Variants in ENTREP2 observed in about 807,000 individuals in gnomAD.
ENTREP2 encodes protein ENTREP2.
chr15:29,530,638 C>A, the ENTREP2 span, among the ~76,000 whole-genome samples: 4 of 152,232 alleles, frequency 2.6e-5, no homozygotes, highest in African/African-American at 9.6e-5. Flanking sequence ...GCCGTCATGT[C>A]TGTGGTGATG....
chr15:29,567,737 G>A, the ENTREP2 span, among the ~76,000 whole-genome samples: 3 of 152,334 alleles, frequency 2.0e-5, no homozygotes, highest in East Asian at 5.8e-4. Flanking sequence ...CAATAAGTAA[G>A]TGCTCACTAA....
At chr15:29,452,239 C>G in the ENTREP2 span, among the ~76,000 whole-genome samples, 5 of 152,188 alleles carry the variant, frequency 3.3e-5, no homozygotes, top group African/African-American at 1.2e-4. Context: ...GCACCTGGTG[C>G]TGACAGCCCC....
the ENTREP2 span, among the ~76,000 whole-genome samples, chr15:29,635,380 G>A: frequency 1.3e-5 from 2 of 152,134 alleles, no homozygotes; most frequent in East Asian, 1.9e-4. Flanking sequence ...GCCAGGAAAC[G>A]GGGTTCACAA....
At chr15:29,476,606 C>T in the ENTREP2 span, among the ~76,000 whole-genome samples, 2,008 of 152,300 alleles carry the variant, frequency 0.013, 54 homozygotes, top group African/African-American at 0.046. Flanking sequence ...CCACCTCTGC[C>T]CCTGACCACC....
At chr15:29,334,476 T>A in the ENTREP2 span, among the ~76,000 whole-genome samples, 1 of 152,216 alleles carries the variant, frequency 6.6e-6, no homozygotes, top group Non-Finnish European at 1.5e-5. Context: ...GAAAGGCATG[T>A]TTTCATAGTT....
chr15:29,369,592 AACACACAC>A, the ENTREP2 span, among the ~76,000 whole-genome samples: 4 of 149,360 alleles, frequency 2.7e-5, no homozygotes, highest in South Asian at 2.1e-4. Context: ...GCTGAAATTA[AACACACAC>A]ACACACACAC....
At chr15:29,472,425 C>T in the ENTREP2 span, among the ~76,000 whole-genome samples, 110 of 121,930 alleles carry the variant, frequency 9.0e-4, 2 homozygotes, top group Middle Eastern at 0.013. Context: ...ACACACAACA[C>T]ACAACACACA....
chr15:29,450,181 T>C, the ENTREP2 span, among the ~76,000 whole-genome samples: 1 of 152,182 alleles, frequency 6.6e-6, no homozygotes, highest in African/African-American at 2.4e-5. Context: ...GCAAATATTT[T>C]CTCCCATCCT....
the ENTREP2 span, among the ~76,000 whole-genome samples, chr15:29,668,667 G>A: frequency 1.4e-3 from 208 of 152,286 alleles, 1 homozygote; most frequent in Non-Finnish European, 2.7e-3. Context: ...CGAATTTGAT[G>A]CTTTGTACAT....
At chr15:29,422,209 G>A in the ENTREP2 span, among the ~76,000 whole-genome samples, 1 of 152,074 alleles carries the variant, frequency 6.6e-6, no homozygotes, top group East Asian at 1.9e-4. Flanking sequence ...AGCAGAGGTT[G>A]CAGTGAGCCG....
At chr15:29,479,606 C>T in the ENTREP2 span, among the ~76,000 whole-genome samples, 1 of 111,874 alleles carries the variant, frequency 8.9e-6, no homozygotes, top group African/African-American at 4.6e-5. Context: ...CTGCAATTCT[C>T]TCTCTCCCTC....
the ENTREP2 span, among the ~76,000 whole-genome samples, chr15:29,284,449 C>G: frequency 6.7e-6 from 1 of 150,352 alleles, no homozygotes; most frequent in Non-Finnish European, 1.5e-5. Context: ...CCCAGCTACT[C>G]AGGAGGATGA....
chr15:29,151,645 T>C, the ENTREP2 span: 1 of 1,049,672 alleles, frequency 9.5e-7, no homozygotes, highest in Admixed American at 2.0e-5. Context: ...CAGGGGCCGC[T>C]GTCCTCACAG....
the ENTREP2 span, among the ~76,000 whole-genome samples, chr15:29,416,995 A>G: frequency 1.3e-5 from 2 of 152,276 alleles, no homozygotes; most frequent in South Asian, 2.1e-4. Flanking sequence ...TCAGGAAACA[A>G]CAGGTGCTGG....
the ENTREP2 span, among the ~76,000 whole-genome samples, chr15:29,263,533 A>G: frequency 0.52 from 78,773 of 152,074 alleles, 21,635 homozygotes; most frequent in South Asian, 0.64. Context: ...TGTGGCAGAG[A>G]GGATAGTGGA....
At chr15:29,526,638 AT>A in the ENTREP2 span, among the ~76,000 whole-genome samples, 250 of 146,188 alleles carry the variant, frequency 1.7e-3, no homozygotes, top group African/African-American at 2.6e-3. Context: ...CTATAAAAAA[AT>A]TTTTTTTTTT....
chr15:29,289,555 T>G, the ENTREP2 span, among the ~76,000 whole-genome samples: 4 of 152,144 alleles, frequency 2.6e-5, no homozygotes, highest in East Asian at 5.8e-4. Flanking sequence ...ACAAAAAGAT[T>G]TGATATGAGG....
chr15:29,620,724 G>T, the ENTREP2 span, among the ~76,000 whole-genome samples: 1 of 152,110 alleles, frequency 6.6e-6, no homozygotes, highest in African/African-American at 2.4e-5. Flanking sequence ...TAAGTGGGAA[G>T]AAGGAGTTCA....
chr15:29,486,563 C>T, the ENTREP2 span, among the ~76,000 whole-genome samples: 165 of 152,162 alleles, frequency 1.1e-3, no homozygotes, highest in African/African-American at 3.6e-3. Flanking sequence ...TGGTGGCGTG[C>T]GCCTGTAATC....
Sources: allele counts gnomAD v4.1 joint callset (sites outside exome capture counted in the v4.1 genomes callset), GRCh38; gene constraint gnomAD v4.1.1; transcripts MANE v1.5; gene names NCBI Gene and HGNC (gene_info 2026-07-23, HGNC 2026-07-21).